Variants in PDCD11 observed in about 807,000 individuals in gnomAD.
PDCD11 encodes the protein programmed cell death 11.
A neutral mutation model predicts 198.9 loss-of-function variants in PDCD11; 97 were observed. The observed-to-expected ratio is 0.49, with a 90% CI of 0.41 to 0.58. PDCD11 has a LOEUF of 0.58. PDCD11 is among the 20% of genes least tolerant of loss of function. PDCD11 has a pLI of 0.00. For synonymous variants in PDCD11, 893 were observed against 918.0 expected (o/e 0.97, Z 0.49); for missense variants, 2,102 against 2,312.7 (o/e 0.91, Z 1.87).
In PDCD11 at chr10:103,440,375, G is replaced by A; in HGVS notation, c.4234G>A (p.Gly1412Arg). The stretch of plus-strand genomic sequence containing the variant: ...AGACGTGCTTTCTGCTTCCTTGGAA[G>A]GGCAACTTACAAAGCAAGAGGAGAG... Reference protein sequence around the residue: ...KPDVLSASLEGQLTKQEERKT... With the variant: ...KPDVLSASLERQLTKQEERKT... The change falls in exon 29 of 36, where the codon GGG becomes AGG. Residue 1412 changes from glycine to arginine, a missense_variant. Physicochemically the swap from Gly to Arg is moderately radical, Grantham distance 125. Transcript: ENST00000369797. The A allele has an allele frequency of 5.0e-6, 8 of 1,614,218 alleles. No individual in the cohort carries two copies. The highest frequency in any genetic ancestry group is 6.8e-6 in the Non-Finnish European group (8 of 1,180,038).
intron 7 of PDCD11, among the ~76,000 whole-genome samples, chr10:103,407,524 C>T (rs1049606585): frequency 1.3e-5 from 2 of 152,010 alleles, no homozygotes. Flanking sequence ...GATTGTGCCA[C>T]TGCATTCCAG....
rs540096707 is a variant in PDCD11 at position 103,439,797 on chromosome 10, C to T, written c.4077C>T (p.His1359=). The change falls in exon 28 of 36, where the codon CAC becomes CAT. Residue 1359 remains histidine, a synonymous_variant. Transcript: ENST00000369797. ...CTCGGTACTCCCATGTCTCCCAGCA[C>T]AGCCCGTCCAAGAAAGCCCTTTATA... ...GLARYSHVSQ[H]SPSKKALYNK... 4.5e-5 allele frequency: 73 copies of T among 1,614,162 alleles called. No homozygotes were observed. In the South Asian group the frequency reaches 7.8e-4, roughly 17 times the overall value.
At chr10:103,406,904 C>T (rs2030488975) in intron 7 of PDCD11, 114 bp downstream of exon 7, 2 of 773,666 alleles carry the variant, frequency 2.6e-6, no homozygotes, top group African/African-American at 1.8e-5. Context: ...TCACTTACGC[C>T]CATTGAGCAT....
rs1282171989 is a variant in PDCD11, at chr10:103,398,430, G to A, written c.4G>A (p.Ala2Thr). 1 of 1,611,976 alleles carries A rather than the reference G, an allele frequency of 6.2e-7. No homozygotes were observed. Among genetic ancestry groups the A allele is most frequent in the African/African-American group, 1.3e-5 (1 of 74,864 alleles). The change falls in exon 2 of 36, where the codon GCA (alanine) becomes ACA (threonine). Residue 2 changes from alanine to threonine, a missense_variant. Coordinates refer to ENST00000369797, the MANE Select transcript of PDCD11 (RefSeq NM_014976.2). M[A>T]NLEESFPRGG... Reference sequence around the variant, plus strand: ...ATTGTTTTTAGGAGACCCAAACATGGCAAACCTGGAAGAAAGCTTCCCCCG... The same window carrying A: ...ATTGTTTTTAGGAGACCCAAACATGACAAACCTGGAAGAAAGCTTCCCCCG...
chr10:103,434,266 A>G lies in PDCD11; in HGVS notation c.3583A>G (p.Lys1195Glu). 1 of 1,612,928 alleles carries G rather than the reference A, an allele frequency of 6.2e-7. No individual in the cohort carries two copies. Among genetic ancestry groups the G allele is most frequent in the Non-Finnish European group, 8.5e-7 (1 of 1,178,854 alleles). The change falls in exon 24 of 36, where the codon AAG (lysine) becomes GAG (glutamate). Residue 1195 changes from lysine to glutamate, a missense_variant. Transcript: ENST00000369797. Reference protein sequence around the residue: ...LSFKVLKHPDKKFRVGQALRA... With the variant: ...LSFKVLKHPDEKFRVGQALRA... ...CTTCCAGGTTCTGAAGCATCCAGAT[A>G]AGAAGTTCCGGGTTGGCCAGGCCCT...
At position 103,417,814 on chromosome 10, in the gene PDCD11, A is replaced by G; in HGVS notation, c.1793A>G (p.Asn598Ser). ...CAGGTGGTGAAGGTTGTCGTATTGAACTGTGAGCCATCCAAAGAGAGGATG... is the reference window on the plus strand; with the variant it reads ...CAGGTGGTGAAGGTTGTCGTATTGAGCTGTGAGCCATCCAAAGAGAGGATG... ...TGQVVKVVVL[N>S]CEPSKERMLL... Residue 598 changes from asparagine (N) to serine (S), a missense_variant, in exon 14 of 36, where the codon AAC (asparagine) becomes AGC (serine). Transcript: ENST00000369797. 1 of 1,614,096 alleles carries G rather than the reference A, an allele frequency of 6.2e-7. No homozygotes were observed.
intron 5 of PDCD11, 141 bp from the exon 6 acceptor site, chr10:103,405,844 G>A (rs771391571): frequency 2.4e-5 from 20 of 840,032 alleles, no homozygotes; most frequent in Non-Finnish European, 3.0e-5. Context: ...CTGTCTAGTG[G>A]GATTGTGGCT....
At chr10:103,429,041 T>C in intron 21 of PDCD11, among the ~76,000 whole-genome samples, 1 of 152,376 alleles carries the variant, frequency 6.6e-6, no homozygotes, top group African/African-American at 2.4e-5. Context: ...TGAAAAACAT[T>C]TAACTGACAG....
chr10:103,434,185 C>A, intron 23 of PDCD11, 63 bp from the exon 24 acceptor site: 1 of 1,264,492 alleles, frequency 7.9e-7, no homozygotes, highest in African/African-American at 1.5e-5. Context: ...GACTTAAATG[C>A]TGTGGTTTTG....
At chr10:103,434,424 C>T (rs528698777) in intron 24 of PDCD11, 74 bp downstream of exon 24, 1 of 959,632 alleles carries the variant, frequency 1.0e-6, no homozygotes, top group East Asian at 2.4e-5. Context: ...TCAGCTATTG[C>T]TTGAGTTGGA....
intron 22 of PDCD11, among the ~76,000 whole-genome samples, chr10:103,432,904 C>G (rs1194046201): frequency 6.6e-6 from 1 of 152,208 alleles, no homozygotes; most frequent in Non-Finnish European, 1.5e-5. Flanking sequence ...GCTTTTCTGT[C>G]TTTTTCCCTT....
chr10:103,421,338 T>C lies in PDCD11; in HGVS notation c.2278-10T>C. 6.3e-7 allele frequency: 1 copy of C among 1,596,998 alleles called. No homozygotes were observed. The highest frequency in any genetic ancestry group is 8.5e-7 in the Non-Finnish European group (1 of 1,169,886). ...TCCTCTTCTCATCTCCTGCCTGTTCTTCTGTTCAGATCATGAGTGACAAAT... is the reference window on the plus strand; with the variant it reads ...TCCTCTTCTCATCTCCTGCCTGTTCCTCTGTTCAGATCATGAGTGACAAAT... On this transcript the variant is annotated splice_polypyrimidine_tract_variant and intron_variant, in intron 16 of 35. Transcript: ENST00000369797.
intron 7 of PDCD11, among the ~76,000 whole-genome samples, 177 bp from the exon 8 acceptor site, chr10:103,409,522 G>A (rs1323153927): frequency 2.0e-5 from 3 of 152,150 alleles, no homozygotes; most frequent in African/African-American, 7.2e-5. Flanking sequence ...AACAGCCAGT[G>A]CAGGAATTGT....
In PDCD11 at chr10:103,414,089, A is replaced by G. The variant is rs763976455; in HGVS notation, c.1309A>G (p.Thr437Ala). Residue 437 changes from threonine to alanine, a missense_variant and splice_region_variant, in exon 10 of 36, where the codon ACG (threonine) becomes GCG (alanine). Physicochemically the swap from Thr to Ala is moderately conservative, Grantham distance 58. Transcript: ENST00000369797. ...TGAACTGGCCTTGCTCTCTCTACGA[A>G]CGTAAGTCTGTCATTAACAGGTAGG... ...MDELALLSLR[T>A]SIIEAQYLRY... The G allele has an allele frequency of 1.2e-6, 2 of 1,610,502 alleles. No homozygotes were observed. The highest frequency in any genetic ancestry group is 1.1e-5 in the South Asian group (1 of 90,728).
intron 8 of PDCD11, among the ~76,000 whole-genome samples, chr10:103,410,989 C>T (rs1384709590): frequency 6.6e-6 from 1 of 151,642 alleles, no homozygotes; most frequent in East Asian, 1.9e-4. Flanking sequence ...GCAGGAGAAT[C>T]GCTTGAACCC....
intron 8 of PDCD11, among the ~76,000 whole-genome samples, chr10:103,411,773 A>AT (rs1481024479): frequency 6.6e-6 from 1 of 151,950 alleles, no homozygotes; most frequent in Non-Finnish European, 1.5e-5. Flanking sequence ...CTTTTTAGTA[A>AT]TTTTTTTCAC....
intron 21 of PDCD11, among the ~76,000 whole-genome samples, chr10:103,429,684 A>G (rs2031845926): frequency 6.6e-6 from 1 of 152,148 alleles, no homozygotes; most frequent in Non-Finnish European, 1.5e-5. Context: ...ATTTTCAGGT[A>G]TACATTACCT....
intron 7 of PDCD11, among the ~76,000 whole-genome samples, chr10:103,407,557 C>T (rs566774766): frequency 9.2e-5 from 14 of 151,960 alleles, no homozygotes; most frequent in South Asian, 6.3e-4. Context: ...TGCGAGACTC[C>T]GTCTCAAACA....
intron 27 of PDCD11, 40 bp downstream of exon 27, chr10:103,438,848 C>T (rs1186584635): frequency 6.2e-7 from 1 of 1,610,920 alleles, no homozygotes; most frequent in East Asian, 2.2e-5. Flanking sequence ...CAAGTGCCTT[C>T]CCTGAGCCTG....
Sources: gnomAD v4.1 joint callset for allele counts (sites outside exome capture counted in the v4.1 genomes callset) on GRCh38, gnomAD v4.1.1 for gene constraint, MANE v1.5 for transcripts, NCBI Gene and HGNC (gene_info 2026-07-23, HGNC 2026-07-21) for gene names.